The following EPHA3 variants were observed in gnomAD, a reference collection of about 807,000 sequenced individuals.
EPHA3 encodes EPH receptor A3.
EPHA3 carries 42 observed loss-of-function variants against 107.1 expected under a neutral mutation model. The ratio of observed to expected loss-of-function variants is 0.39; its 90% CI spans 0.31 to 0.51. EPHA3 has a LOEUF of 0.51. EPHA3 is among the 20% of genes least tolerant of loss of function. The pLI, the probability that EPHA3 is intolerant of heterozygous loss-of-function variation, is 0.78. For synonymous variants in EPHA3, 461 were observed against 424.8 expected, an observed-to-expected ratio of 1.09 and a Z score of -1.05; for missense variants, 1,183 against 1,211.2, an observed-to-expected ratio of 0.98 and a Z score of 0.35.
chr3:89,291,974 T>C (rs1305409895), intron 3 of EPHA3, among the ~76,000 whole-genome samples: 2 of 152,178 alleles, frequency 1.3e-5, no homozygotes, highest in Non-Finnish European at 2.9e-5. Flanking sequence ...TATAATAATA[T>C]AAAGTTGACA....
chr3:89,412,693 C>A (rs1230665513), intron 9 of EPHA3, among the ~76,000 whole-genome samples: 1 of 151,672 alleles, frequency 6.6e-6, no homozygotes, highest in Admixed American at 6.6e-5. Flanking sequence ...GCCATTATCT[C>A]ACCTTATAAT....
chr3:89,151,164 T>C (rs745459047), intron 2 of EPHA3, among the ~76,000 whole-genome samples: 3 of 152,164 alleles, frequency 2.0e-5, no homozygotes, highest in East Asian at 3.9e-4. Flanking sequence ...CTAATTATCA[T>C]ACCTAAAATA....
At chr3:89,431,054 T>C in intron 12 of EPHA3, 96 bp from the exon 13 acceptor site, 16 of 1,283,024 alleles carry the variant, frequency 1.2e-5, no homozygotes, top group Non-Finnish European at 1.7e-5. Flanking sequence ...ATAGTCAGTC[T>C]TGTTACAAAA....
intron 3 of EPHA3, among the ~76,000 whole-genome samples, chr3:89,300,929 G>T (rs1329182959): frequency 1.3e-5 from 2 of 152,020 alleles, no homozygotes; most frequent in Non-Finnish European, 2.9e-5. Flanking sequence ...GTGAGACATG[G>T]TTATAAAGCA....
At chr3:89,314,468 A>G (rs1460183756) in intron 3 of EPHA3, among the ~76,000 whole-genome samples, 1 of 151,990 alleles carries the variant, frequency 6.6e-6, no homozygotes, top group Non-Finnish European at 1.5e-5. Context: ...TGTATTAATC[A>G]AAGATCCAAA....
intron 3 of EPHA3, among the ~76,000 whole-genome samples, chr3:89,339,984 AT>A (rs1376126627): frequency 6.6e-6 from 1 of 152,180 alleles, no homozygotes; most frequent in Non-Finnish European, 1.5e-5. Context: ...TTTCACTATG[AT>A]TTTAGTTCTC....
chr3:89,310,966 C>T (rs1706751851), intron 3 of EPHA3, among the ~76,000 whole-genome samples: 1 of 151,890 alleles, frequency 6.6e-6, no homozygotes, highest in African/African-American at 2.4e-5. Context: ...CCTGACTCTG[C>T]CATTTCCTAA....
intron 3 of EPHA3, among the ~76,000 whole-genome samples, chr3:89,281,272 G>T (rs1300572303): frequency 6.6e-6 from 1 of 152,130 alleles, no homozygotes; most frequent in Admixed American, 6.6e-5. Flanking sequence ...CAAACCACCT[G>T]CCTTGGCCTC....
chr3:89,404,383 A>G (rs939147223), intron 7 of EPHA3, among the ~76,000 whole-genome samples: 13 of 152,184 alleles, frequency 8.5e-5, no homozygotes, highest in African/African-American at 2.9e-4. Context: ...TAATTCTCAA[A>G]CAACAAAATT....
intron 13 of EPHA3, among the ~76,000 whole-genome samples, chr3:89,434,423 G>A (rs1709627569): frequency 6.6e-6 from 1 of 152,086 alleles, no homozygotes; most frequent in Non-Finnish European, 1.5e-5. Flanking sequence ...ACTCCATGTT[G>A]GCCAGTCTAG....
intron 2 of EPHA3, among the ~76,000 whole-genome samples, chr3:89,141,140 G>A (rs7631328): frequency 6.6e-6 from 1 of 151,298 alleles, no homozygotes. Flanking sequence ...TACTACATAT[G>A]GTAAGAGAAG....
chr3:89,219,547 T>C (rs1418309697), intron 3 of EPHA3, among the ~76,000 whole-genome samples: 1 of 151,830 alleles, frequency 6.6e-6, no homozygotes, highest in Non-Finnish European at 1.5e-5. Flanking sequence ...GTTCCTGCCC[T>C]CAAGGAACTT....
At chr3:89,344,946 T>C (rs113010199) in intron 5 of EPHA3, among the ~76,000 whole-genome samples, 3 of 150,670 alleles carry the variant, frequency 2.0e-5, no homozygotes, top group South Asian at 2.1e-4. Context: ...ATAAAGATTG[T>C]ATCTGTGAAT....
At chr3:89,424,312 AT>A (rs947984251) in intron 11 of EPHA3, among the ~76,000 whole-genome samples, 39 of 151,552 alleles carry the variant, frequency 2.6e-4, no homozygotes, top group African/African-American at 8.9e-4. Flanking sequence ...AATGCAAAAA[AT>A]AAACTATTTT....
At chr3:89,455,681 G>T (rs1355435561) in intron 15 of EPHA3, among the ~76,000 whole-genome samples, 1 of 152,120 alleles carries the variant, frequency 6.6e-6, no homozygotes, top group Admixed American at 6.5e-5. Flanking sequence ...GCTACTTCTA[G>T]TTCCTTCAGA....
At chr3:89,334,693 G>A (rs1445824536) in intron 3 of EPHA3, among the ~76,000 whole-genome samples, 1 of 152,148 alleles carries the variant, frequency 6.6e-6, no homozygotes, top group Non-Finnish European at 1.5e-5. Flanking sequence ...GTCTCTGTAT[G>A]GCTCAGGCTC....
chr3:89,175,914 T>C (rs1346409979), intron 2 of EPHA3, among the ~76,000 whole-genome samples: 1 of 152,138 alleles, frequency 6.6e-6, no homozygotes, highest in Admixed American at 6.5e-5. Flanking sequence ...CTGTTGTTAT[T>C]GTTGTTTTTT....
intron 3 of EPHA3, among the ~76,000 whole-genome samples, chr3:89,332,015 A>G (rs756411602): frequency 5.9e-5 from 9 of 152,202 alleles, no homozygotes; most frequent in Non-Finnish European, 1.3e-4. Flanking sequence ...GTTGAGCTTT[A>G]TGCATTTTGA....
intron 3 of EPHA3, among the ~76,000 whole-genome samples, chr3:89,225,996 T>C (rs768580483): frequency 2.0e-5 from 3 of 152,144 alleles, no homozygotes; most frequent in African/African-American, 4.8e-5. Flanking sequence ...TATTCGTAGT[T>C]GTGGCCTTGA....
Sources: gnomAD v4.1 joint callset for allele counts (sites outside exome capture counted in the v4.1 genomes callset) on GRCh38, gnomAD v4.1.1 for gene constraint, MANE v1.5 for transcripts, NCBI Gene and HGNC (gene_info 2026-07-23, HGNC 2026-07-21) for gene names.